Variants in LHFPL3 observed in about 807,000 individuals in gnomAD.
The protein encoded by LHFPL3 is LHFPL tetraspan subfamily member 3.
A neutral mutation model predicts 19.3 loss-of-function variants in LHFPL3; 5 were observed. The ratio of observed to expected loss-of-function variants is 0.26; its 90% confidence interval spans 0.14 to 0.54. The LOEUF (loss-of-function observed/expected upper bound fraction) is 0.54. Ranked by LOEUF, LHFPL3 falls within the 20% of genes least tolerant of loss-of-function variation. The probability of loss-of-function intolerance (pLI) is 0.94; values close to 1 mark genes in which losing one functional copy is unlikely to be tolerated. For synonymous variants in LHFPL3, 133 were observed against 126.2 expected (o/e 1.05, Z -0.36); for missense variants, 249 against 307.4 (o/e 0.81, Z 1.42).
At chr7:104,360,442 C>T (rs545443980) in intron 1 of LHFPL3, among the ~76,000 whole-genome samples, 21 of 152,134 alleles carry the variant, frequency 1.4e-4, no homozygotes, top group African/African-American at 4.8e-4. Flanking sequence ...GTAAATGCAT[C>T]CAGATAAAGC....
chr7:104,772,363 T>G (rs1794568889), intron 2 of LHFPL3, among the ~76,000 whole-genome samples: 1 of 152,186 alleles, frequency 6.6e-6, no homozygotes, highest in African/African-American at 2.4e-5. Flanking sequence ...CCAATTCTTT[T>G]GATCTCAAGT....
intron 2 of LHFPL3, among the ~76,000 whole-genome samples, chr7:104,834,383 C>T (rs1791051099): frequency 6.6e-6 from 1 of 151,920 alleles, no homozygotes; most frequent in African/African-American, 2.4e-5. Flanking sequence ...TCTTGGCTTT[C>T]AGCCTCATGC....
chr7:104,373,478 C>T (rs1303108769), intron 1 of LHFPL3, among the ~76,000 whole-genome samples: 2 of 152,288 alleles, frequency 1.3e-5, no homozygotes, highest in East Asian at 1.9e-4. Flanking sequence ...CCTTCAACTC[C>T]TCTTGACTAA....
intron 2 of LHFPL3, among the ~76,000 whole-genome samples, chr7:104,776,142 A>C (rs1340049759): frequency 6.6e-6 from 1 of 152,238 alleles, no homozygotes; most frequent in African/African-American, 2.4e-5. Context: ...ATTGTGGTGA[A>C]CATCACAGAT....
chr7:104,822,058 G>C (rs1386474961), intron 2 of LHFPL3, among the ~76,000 whole-genome samples: 1 of 152,226 alleles, frequency 6.6e-6, no homozygotes, highest in Non-Finnish European at 1.5e-5. Context: ...AGGAGGGGCA[G>C]AGGGGAGGGC....
intron 1 of LHFPL3, among the ~76,000 whole-genome samples, chr7:104,715,978 T>C (rs1793377856): frequency 6.6e-6 from 1 of 152,164 alleles, no homozygotes; most frequent in Admixed American, 6.5e-5. Flanking sequence ...GCATTAATTA[T>C]TTAAATGTAT....
chr7:104,684,824 C>G (rs1239250020), intron 1 of LHFPL3, among the ~76,000 whole-genome samples: 1 of 152,198 alleles, frequency 6.6e-6, no homozygotes, highest in Non-Finnish European at 1.5e-5. Context: ...TGCTAGCTTC[C>G]CACTGCTTAG....
At chr7:104,455,671 A>G (rs1293390386) in intron 1 of LHFPL3, among the ~76,000 whole-genome samples, 4 of 152,222 alleles carry the variant, frequency 2.6e-5, no homozygotes, top group Non-Finnish European at 5.9e-5. Flanking sequence ...CAGTGAGCCA[A>G]GATCATGCCA....
At chr7:104,617,355 T>C (rs1791366621) in intron 1 of LHFPL3, among the ~76,000 whole-genome samples, 1 of 152,136 alleles carries the variant, frequency 6.6e-6, no homozygotes, top group African/African-American at 2.4e-5. Context: ...TAACACAAGA[T>C]AAAGTCTTTC....
chr7:104,669,165 A>G, intron 1 of LHFPL3: 1 of 1,613,608 alleles, frequency 6.2e-7, no homozygotes, highest in African/African-American at 1.3e-5. Context: ...AGGTAATGCC[A>G]GCCCCTCCAC....
intron 1 of LHFPL3, among the ~76,000 whole-genome samples, chr7:104,576,826 G>A (rs747853989): frequency 7.2e-5 from 11 of 152,062 alleles, no homozygotes; most frequent in Non-Finnish European, 1.6e-4. Context: ...AAGTATTACC[G>A]CCCAAATTCC....
intron 1 of LHFPL3, among the ~76,000 whole-genome samples, chr7:104,715,608 C>A (rs773578922): frequency 6.6e-6 from 1 of 152,114 alleles, no homozygotes; most frequent in African/African-American, 2.4e-5. Flanking sequence ...TGAAAGGGTG[C>A]TGAATTTTCT....
intron 2 of LHFPL3, among the ~76,000 whole-genome samples, chr7:104,795,788 A>C (rs1009115455): frequency 9.2e-5 from 14 of 152,242 alleles, no homozygotes; most frequent in African/African-American, 2.9e-4. Context: ...AGCCCCTAGA[A>C]TATTTCCTTT....
intron 1 of LHFPL3, among the ~76,000 whole-genome samples, chr7:104,592,613 C>T (rs750134812): frequency 1.3e-4 from 20 of 152,184 alleles, no homozygotes; most frequent in Non-Finnish European, 2.2e-4. Flanking sequence ...CTGGGAGAAC[C>T]ACTATTCTCT....
Position 104,534,536 on chromosome 7 carries a change from A to G in LHFPL3, c.446-202139A>G, listed in dbSNP as rs895023432. ...AGACCACTGCATGATGACAGCAAAT[A>G]TTATCAAAGAACCAGAGGTGTTTTT... On this transcript the variant is annotated intron_variant, in intron 1 of 2. Coordinates refer to ENST00000424859, the MANE Select transcript of LHFPL3 (RefSeq NM_199000.3). 2.6e-5 allele frequency among the ~76,000 whole-genome samples: 4 copies of G among 152,230 alleles called. No individual in the cohort carries two copies. In the East Asian group the frequency reaches 7.7e-4, roughly 29 times the overall value.
At chr7:104,613,699 C>T (rs751302593) in intron 1 of LHFPL3, among the ~76,000 whole-genome samples, 7 of 152,170 alleles carry the variant, frequency 4.6e-5, no homozygotes, top group Admixed American at 6.5e-5. Context: ...CTCCAACCAA[C>T]CTGCCCTTCC....
chr7:104,507,341 AAAAC>A (rs1793718547), intron 1 of LHFPL3, among the ~76,000 whole-genome samples: 1 of 147,296 alleles, frequency 6.8e-6, no homozygotes, highest in Non-Finnish European at 1.5e-5. Context: ...AAACCTGAGA[AAAAC>A]AAGCACTGGG....
At chr7:104,583,233 G>A (rs1383172207) in intron 1 of LHFPL3, among the ~76,000 whole-genome samples, 2 of 152,106 alleles carry the variant, frequency 1.3e-5, no homozygotes, top group African/African-American at 4.8e-5. Flanking sequence ...TTTAATAAAT[G>A]GTGCTGGGAA....
intron 1 of LHFPL3, among the ~76,000 whole-genome samples, chr7:104,451,607 C>T (rs1413334294): frequency 1.9e-5 from 2 of 104,944 alleles, no homozygotes; most frequent in Non-Finnish European, 4.8e-5. Context: ...TTGGTAAAAA[C>T]ATCCTTTTTT....
Sources: allele counts gnomAD v4.1 joint callset (sites outside exome capture counted in the v4.1 genomes callset), GRCh38; gene constraint gnomAD v4.1.1; transcripts MANE v1.5; gene names NCBI Gene and HGNC (gene_info 2026-07-23, HGNC 2026-07-21).